The following AFG2A variants were observed in gnomAD, a reference collection of about 807,000 sequenced individuals.
AFG2A encodes AAA ATPase AFG2A.
the AFG2A span, among the ~76,000 whole-genome samples, chr4:123,104,289 C>T: frequency 6.6e-6 from 1 of 152,006 alleles, no homozygotes. Flanking sequence ...TTTTAGGACA[C>T]CATAAACCAC....
the AFG2A span, among the ~76,000 whole-genome samples, chr4:123,233,916 T>G: frequency 3.9e-5 from 6 of 152,242 alleles, 1 homozygote; most frequent in East Asian, 1.2e-3. Flanking sequence ...AAACAGCTTA[T>G]AGGTCTGCAT....
the AFG2A span, among the ~76,000 whole-genome samples, chr4:122,977,977 CCT>C: frequency 6.6e-6 from 1 of 152,126 alleles, no homozygotes; most frequent in Admixed American, 6.5e-5. Flanking sequence ...GGTAGGTCAT[CCT>C]GATGAGTGTC....
the AFG2A span, among the ~76,000 whole-genome samples, chr4:122,945,077 G>T: frequency 1.3e-5 from 2 of 152,222 alleles, no homozygotes; most frequent in South Asian, 2.1e-4. Flanking sequence ...GGCTGCTCGG[G>T]TGTCAGGGGT....
At chr4:123,137,131 G>C in the AFG2A span, among the ~76,000 whole-genome samples, 2 of 152,158 alleles carry the variant, frequency 1.3e-5, no homozygotes, top group African/African-American at 4.8e-5. Context: ...GGCTGATCAG[G>C]CAGTAATGCT....
chr4:123,054,774 T>C, the AFG2A span, among the ~76,000 whole-genome samples: 1 of 152,174 alleles, frequency 6.6e-6, no homozygotes, highest in Non-Finnish European at 1.5e-5. Context: ...CCCACTCTCA[T>C]CTTCACATTT....
At chr4:123,126,820 G>A in the AFG2A span, among the ~76,000 whole-genome samples, 1 of 152,072 alleles carries the variant, frequency 6.6e-6, no homozygotes, top group Non-Finnish European at 1.5e-5. Context: ...GTAGCCTTGG[G>A]TATGTCTTTA....
At chr4:122,932,274 CAA>C in the AFG2A span, among the ~76,000 whole-genome samples, 9 of 129,794 alleles carry the variant, frequency 6.9e-5, no homozygotes, top group Non-Finnish European at 5.0e-5. Flanking sequence ...GACCTCATCT[CAA>C]AAAAAAAAAA....
At chr4:123,318,103 C>A in the AFG2A span, 1 of 152,332 alleles carries the variant, frequency 6.6e-6, no homozygotes, top group South Asian at 2.1e-4. Flanking sequence ...TCATTTAACT[C>A]AATTCCATGA....
the AFG2A span, chr4:122,927,895 T>G: frequency 8.1e-7 from 1 of 1,235,910 alleles, no homozygotes; most frequent in South Asian, 1.5e-5. Context: ...ATTTCAGATT[T>G]GGGATGCTTA....
At chr4:122,941,559 T>C in the AFG2A span, among the ~76,000 whole-genome samples, 1 of 152,276 alleles carries the variant, frequency 6.6e-6, no homozygotes, top group Non-Finnish European at 1.5e-5. Context: ...TTTCTAGATA[T>C]ACAATCATGT....
the AFG2A span, chr4:122,947,178 C>G: frequency 7.4e-7 from 1 of 1,343,706 alleles, no homozygotes; most frequent in Non-Finnish European, 9.9e-7. Context: ...GTGCCTCTCA[C>G]TTTTTTTTTT....
chr4:123,252,281 T>G, the AFG2A span, among the ~76,000 whole-genome samples: 5 of 151,638 alleles, frequency 3.3e-5, no homozygotes, highest in African/African-American at 9.8e-5. Context: ...CCCCATGGAT[T>G]TGAACAGTCT....
the AFG2A span, among the ~76,000 whole-genome samples, chr4:123,185,032 C>G: frequency 6.6e-6 from 1 of 152,244 alleles, no homozygotes; most frequent in Non-Finnish European, 1.5e-5. Flanking sequence ...ACTCAGGTCT[C>G]GTAACTGCCT....
the AFG2A span, among the ~76,000 whole-genome samples, chr4:123,227,224 G>C: frequency 6.6e-6 from 1 of 152,026 alleles, no homozygotes; most frequent in Non-Finnish European, 1.5e-5. Flanking sequence ...GTTCTGCTCT[G>C]ATCTTAGTTA....
the AFG2A span, among the ~76,000 whole-genome samples, chr4:123,152,382 T>A: frequency 2.0e-5 from 3 of 152,182 alleles, no homozygotes; most frequent in East Asian, 5.8e-4. Flanking sequence ...AGGACTGTTA[T>A]CCAAAATACA....
the AFG2A span, chr4:122,933,979 T>G: frequency 8.5e-7 from 1 of 1,173,804 alleles, no homozygotes; most frequent in Non-Finnish European, 1.2e-6. Flanking sequence ...AATTATTTTA[T>G]TAATACTCTG....
At chr4:123,109,760 T>G in the AFG2A span, among the ~76,000 whole-genome samples, 1 of 152,166 alleles carries the variant, frequency 6.6e-6, no homozygotes, top group East Asian at 1.9e-4. Context: ...CTCCCATTGC[T>G]CTAATGCAAG....
chr4:123,247,047 A>G, the AFG2A span, among the ~76,000 whole-genome samples: 1 of 152,164 alleles, frequency 6.6e-6, no homozygotes, highest in South Asian at 2.1e-4. Flanking sequence ...ACTTAATTTT[A>G]AGGTTACACC....
chr4:123,280,646 C>A, the AFG2A span, among the ~76,000 whole-genome samples: 1,710 of 152,312 alleles, frequency 0.011, 30 homozygotes, highest in African/African-American at 0.038. Flanking sequence ...AGCCTAGCAT[C>A]TTCAAGTATC....
Sources: gnomAD v4.1 joint callset for allele counts (sites outside exome capture counted in the v4.1 genomes callset) on GRCh38, gnomAD v4.1.1 for gene constraint, MANE v1.5 for transcripts, NCBI Gene and HGNC (gene_info 2026-07-23, HGNC 2026-07-21) for gene names.